Variants in DPP6 observed in about 807,000 individuals in gnomAD.
DPP6 encodes the protein A-type potassium channel modulatory protein DPP6.
Under a neutral mutation model 122.6 loss-of-function variants are expected in DPP6, and 69 were observed. The ratio of observed to expected loss-of-function variants is 0.56; its 90% CI spans 0.46 to 0.69. The LOEUF (loss-of-function observed/expected upper bound fraction) is 0.69, where lower values mean the gene tolerates loss of function less well. Ranked by LOEUF, DPP6 falls within the 30% of genes least tolerant of loss-of-function variation. The pLI, the probability that DPP6 is intolerant of heterozygous loss-of-function variation, is 0.00. For synonymous variants in DPP6, 418 were observed against 433.1 expected (o/e 0.97, Z 0.43); for missense variants, 928 against 1,116.9 (o/e 0.83, Z 2.41).
At chr7:154,572,968 C>T (rs376913778) in intron 5 of DPP6, among the ~76,000 whole-genome samples, 1 of 152,144 alleles carries the variant, frequency 6.6e-6, no homozygotes, top group Non-Finnish European at 1.5e-5. Flanking sequence ...GGGTGAGCCA[C>T]CACACCTGGC....
chr7:154,432,596 G>T (rs1205385416), intron 1 of DPP6, among the ~76,000 whole-genome samples: 4 of 152,218 alleles, frequency 2.6e-5, no homozygotes, highest in Non-Finnish European at 5.9e-5. Flanking sequence ...GTCACACGTA[G>T]ATGAACAGGC....
intron 7 of DPP6, among the ~76,000 whole-genome samples, chr7:154,722,176 C>T (rs1228946952): frequency 6.6e-6 from 1 of 152,172 alleles, no homozygotes; most frequent in Non-Finnish European, 1.5e-5. Context: ...GCCTGCACAA[C>T]AGAGAAAGAC....
the DPP6 span, among the ~76,000 whole-genome samples, chr7:153,830,033 G>T: frequency 6.6e-6 from 1 of 152,184 alleles, no homozygotes; most frequent in Non-Finnish European, 1.5e-5. Context: ...TTTGAAACTT[G>T]TGCTCCATTT....
At chr7:154,737,989 C>T (rs1055715975) in intron 8 of DPP6, among the ~76,000 whole-genome samples, 25 of 152,158 alleles carry the variant, frequency 1.6e-4, no homozygotes, top group African/African-American at 5.3e-4. Context: ...TCTGTGGAAG[C>T]GCAGGCATAT....
intron 2 of DPP6, among the ~76,000 whole-genome samples, chr7:154,469,566 T>TGA (rs1822082890): frequency 1.3e-5 from 2 of 152,118 alleles, no homozygotes; most frequent in Non-Finnish European, 2.9e-5. Flanking sequence ...TAGGTCAAAA[T>TGA]CCCCAAGGTT....
At position 154,875,935 on chromosome 7, in the gene DPP6, C is replaced by G; in HGVS notation, c.1913C>G (p.Ala638Gly). 6.2e-7 allele frequency: 1 copy of G among 1,613,016 alleles called. No individual in the cohort carries two copies. The change falls in exon 20 of 26, where the codon GCT (alanine) becomes GGT (glycine). Residue 638 changes from alanine (A) to glycine (G), a missense_variant. Transcript: ENST00000377770. The surrounding 1 kb of genome is among the most constrained non-coding windows in gnomAD (Gnocchi z 4.5). ...GGCACCCCAGGCAGCCAGAGTGTGG[C>G]TGAGAAGTTCGAGGTGAGCTGGGAG... ...VDGTPGSQSVAEKFEVSWETV... is the reference protein window; with the variant it reads ...VDGTPGSQSVGEKFEVSWETV...
the DPP6 span, among the ~76,000 whole-genome samples, chr7:153,770,961 A>G: frequency 6.6e-6 from 1 of 152,234 alleles, no homozygotes; most frequent in African/African-American, 2.4e-5. Flanking sequence ...AGCATCCATG[A>G]GTTATGGTAC....
At chr7:153,804,996 T>G in the DPP6 span, among the ~76,000 whole-genome samples, 1 of 152,164 alleles carries the variant, frequency 6.6e-6, no homozygotes, top group East Asian at 1.9e-4. Context: ...TGTTGAAATG[T>G]GATTCAGAAA....
At chr7:153,938,708 T>G (rs1801569604) in intron 1 of DPP6, among the ~76,000 whole-genome samples, 1 of 152,228 alleles carries the variant, frequency 6.6e-6, no homozygotes, top group Non-Finnish European at 1.5e-5. Flanking sequence ...TGCAACTTCA[T>G]TTTTAGTTTC....
chr7:154,411,513 T>C (rs527955865), intron 1 of DPP6, among the ~76,000 whole-genome samples: 15 of 152,188 alleles, frequency 9.9e-5, no homozygotes, highest in Non-Finnish European at 2.2e-4. Context: ...AGTGCGGAGA[T>C]TACAGGCATG....
At chr7:154,696,313 A>G (rs1488926645) in intron 7 of DPP6, among the ~76,000 whole-genome samples, 1 of 152,158 alleles carries the variant, frequency 6.6e-6, no homozygotes, top group South Asian at 2.1e-4. Flanking sequence ...TAAGATGGGC[A>G]GAGGGAGAGG....
the DPP6 span, among the ~76,000 whole-genome samples, chr7:153,799,049 C>T: frequency 9.3e-3 from 1,423 of 152,314 alleles, 24 homozygotes; most frequent in African/African-American, 0.032. Context: ...GGCCACCCCT[C>T]ACCTCCTCTA....
At chr7:154,564,451 C>T (rs1323512585) in intron 4 of DPP6, among the ~76,000 whole-genome samples, 2 of 152,088 alleles carry the variant, frequency 1.3e-5, no homozygotes, top group Non-Finnish European at 2.9e-5. Flanking sequence ...CTTATGCTTC[C>T]AGAGAAGGGA....
chr7:154,024,458 A>G (rs1252159734), intron 1 of DPP6, among the ~76,000 whole-genome samples: 1 of 151,926 alleles, frequency 6.6e-6, no homozygotes, highest in African/African-American at 2.4e-5. Flanking sequence ...CTGTTATGTC[A>G]ATGCTCACTG....
chr7:153,837,759 A>G, the DPP6 span, among the ~76,000 whole-genome samples: 1 of 150,502 alleles, frequency 6.6e-6, no homozygotes, highest in Admixed American at 6.6e-5. Context: ...AAGATCTGCA[A>G]CCTCCACTTC....
chr7:154,170,274 G>A (rs956435114), intron 1 of DPP6, among the ~76,000 whole-genome samples: 2 of 152,130 alleles, frequency 1.3e-5, no homozygotes, highest in South Asian at 2.1e-4. Context: ...ACCATTGCCC[G>A]AGGAGGTCTT....
At chr7:153,848,685 C>T in the DPP6 span, among the ~76,000 whole-genome samples, 1 of 152,192 alleles carries the variant, frequency 6.6e-6, no homozygotes. Flanking sequence ...GCTACTTTAT[C>T]ATTATGAAAC....
chr7:154,823,323 T>C (rs1799924237), intron 16 of DPP6, among the ~76,000 whole-genome samples: 1 of 152,248 alleles, frequency 6.6e-6, no homozygotes, highest in Non-Finnish European at 1.5e-5. Context: ...TGAACTATGA[T>C]GGCACCACTG....
intron 1 of DPP6, among the ~76,000 whole-genome samples, chr7:153,923,678 G>A (rs942139630): frequency 1.0e-4 from 15 of 145,596 alleles, no homozygotes; most frequent in Admixed American, 4.9e-4. Flanking sequence ...GAAGAATGGC[G>A]TGAACCCAGG....
Sources: allele counts gnomAD v4.1 joint callset (sites outside exome capture counted in the v4.1 genomes callset), GRCh38; gene constraint gnomAD v4.1.1; non-coding constraint Gnocchi (gnomAD v3.1); transcripts MANE v1.5; gene names NCBI Gene and HGNC (gene_info 2026-07-23, HGNC 2026-07-21).